GINS1: variants seen among roughly 807,000 people sequenced by gnomAD.
GINS1 encodes the protein GINS complex subunit 1.
In GINS1, 26 loss-of-function variants were observed where a neutral mutation model predicts 34.9. That is an observed-to-expected ratio of 0.74 (90% CI 0.55 to 1.03). GINS1 has a LOEUF of 1.03. Ranked by LOEUF, GINS1 falls within the 50% of genes least tolerant of loss-of-function variation. The probability of loss-of-function intolerance (pLI) is 0.00; values close to 1 mark genes in which losing one functional copy is unlikely to be tolerated. For missense variants in GINS1, 235 were observed against 237.9 expected (o/e 0.99, Z 0.08); for synonymous variants, 97 against 84.4 (o/e 1.15, Z -0.82).
chr20:25,416,171 G>C (rs553165321), intron 2 of GINS1, among the ~76,000 whole-genome samples: 1 of 152,194 alleles, frequency 6.6e-6, no homozygotes, highest in Non-Finnish European at 1.5e-5. Context: ...TGGTCACCAG[G>C]TTACTAGAGA....
chr20:25,423,452 C>CTTTTCTTTTTTTTTTT lies in GINS1; in HGVS notation c.331-1755_331-1754insCTTTTTTTTTTTTTTT, dbSNP rs1568802527. On this transcript the variant is annotated intron_variant, in intron 4 of 6. Transcript: ENST00000262460. ...AAGGTTATTAAGATATTTTTCTTTT[C>CTTTTCTTTTTTTTTTT]TTTTTTTTTTTTTTTTTTTTTTTTT... is the stretch of plus-strand genomic sequence containing the variant. Among the ~76,000 whole-genome samples the CTTTTCTTTTTTTTTTT allele has an allele frequency of 3.3e-4, 10 of 29,992 alleles. 1 individual carries two copies. Among genetic ancestry groups the CTTTTCTTTTTTTTTTT allele is most frequent in the East Asian group, 4.7e-3 (2 of 428 alleles). The allele number at this position is 29,992 out of a possible 152,430, so 19.7% of individuals were successfully genotyped here. A position where few individuals can be genotyped will look rare whatever the true frequency, so the allele number is the denominator to read the frequency against.
At chr20:25,436,103 G>A (rs181756010) in intron 5 of GINS1, among the ~76,000 whole-genome samples, 98 of 151,946 alleles carry the variant, frequency 6.4e-4, no homozygotes, top group African/African-American at 2.1e-3. Flanking sequence ...ACAGGCGTGA[G>A]CCACTGTGCC....
At chr20:25,415,685 CAAA>C (rs370801254) in intron 2 of GINS1, among the ~76,000 whole-genome samples, 8 of 49,146 alleles carry the variant, frequency 1.6e-4, no homozygotes, top group East Asian at 7.0e-4. Context: ...AACTCCATCT[CAAA>C]AAAAAAAAAA....
chr20:25,411,237 T>TA (rs1419153419), intron 1 of GINS1: 1 of 152,170 alleles, frequency 6.6e-6, no homozygotes, highest in Non-Finnish European at 1.5e-5. Context: ...GTCACGCTAT[T>TA]ACACTCCAGC....
chr20:25,422,100 AAC>A (rs1340349526), intron 4 of GINS1, among the ~76,000 whole-genome samples: 1 of 152,130 alleles, frequency 6.6e-6, no homozygotes, highest in East Asian at 1.9e-4. Flanking sequence ...GGCACATGCA[AAC>A]ACATCTGAAA....
chr20:25,428,397 C>CTTTTT lies in GINS1; in HGVS notation c.447+3090_447+3094dup, dbSNP rs544831869. On this transcript the variant is annotated intron_variant, in intron 5 of 6. Coordinates refer to ENST00000262460, the MANE Select transcript of GINS1 (RefSeq NM_021067.5). Reference sequence around the variant, plus strand: ...AAATCTAGCTTTCCAAGCATAATTTCTTTTTTTTTTTTTTTTTTTTTTTTG... The same window carrying CTTTTT: ...AAATCTAGCTTTCCAAGCATAATTTCTTTTTTTTTTTTTTTTTTTTTTTTTTTTTG... Among the ~76,000 whole-genome samples, 175 of 66,562 alleles carry CTTTTT rather than the reference C, an allele frequency of 2.6e-3. 10 individuals carry two copies. The highest frequency in any genetic ancestry group is 5.3e-3 in the African/African-American group (85 of 15,956). 43.7% of individuals were successfully genotyped at this position (66,562 alleles called of 152,430 possible). A position where few individuals can be genotyped will look rare whatever the true frequency, so the allele number is the denominator to read the frequency against.
At chr20:25,444,028 T>C (rs2090497715) in intron 6 of GINS1, among the ~76,000 whole-genome samples, 1 of 71,828 alleles carries the variant, frequency 1.4e-5, no homozygotes, top group African/African-American at 6.0e-5. Context: ...ATGGTTTTTT[T>C]CGAGATGGAC....
intron 2 of GINS1, among the ~76,000 whole-genome samples, chr20:25,414,759 T>C (rs1209732143): frequency 6.6e-6 from 1 of 152,210 alleles, no homozygotes; most frequent in East Asian, 1.9e-4. Flanking sequence ...TCCCACTGTT[T>C]ATATTTTTAT....
intron 5 of GINS1, among the ~76,000 whole-genome samples, chr20:25,435,802 G>A (rs1469504812): frequency 8.6e-6 from 1 of 116,388 alleles, no homozygotes. Flanking sequence ...ACTTTTTGTA[G>A]AGTTACACTT....
intron 2 of GINS1, among the ~76,000 whole-genome samples, chr20:25,414,797 A>C (rs963447273): frequency 2.0e-5 from 3 of 152,232 alleles, no homozygotes; most frequent in African/African-American, 4.8e-5. Context: ...AGTTTGTTAA[A>C]GGAAGAATAG....
intron 5 of GINS1, among the ~76,000 whole-genome samples, chr20:25,439,822 G>A (rs374295130): frequency 1.3e-5 from 2 of 151,596 alleles, no homozygotes; most frequent in South Asian, 2.1e-4. Context: ...GTGAAACCCC[G>A]TCCCTACTAA....
chr20:25,418,256 A>G (rs1161984118), intron 4 of GINS1, 61 bp downstream of exon 4: 3 of 959,812 alleles, frequency 3.1e-6, no homozygotes, highest in African/African-American at 1.6e-5. Context: ...GCATTGTTCT[A>G]TAATAGTGTT....
chr20:25,432,525 G>C lies in GINS1; in HGVS notation c.447+7198G>C, dbSNP rs144434061. Among the ~76,000 whole-genome samples, 16 of 151,996 alleles carry C rather than the reference G, an allele frequency of 1.1e-4. No individual in the cohort carries two copies. The East Asian group carries it at 2.9e-3, about 28-fold the overall frequency. On this transcript the variant is annotated intron_variant, in intron 5 of 6. Coordinates refer to ENST00000262460, the MANE Select transcript of GINS1 (RefSeq NM_021067.5). ...TCTGTTGTCCAGGATGGAGTGCAGT[G>C]GTGCGATCTTGGCTCACTACAACCT...
intron 1 of GINS1, chr20:25,408,810 G>C (rs771818595): frequency 1.9e-6 from 1 of 513,532 alleles, no homozygotes; most frequent in Non-Finnish European, 2.5e-6. Flanking sequence ...AGAAAGCTAG[G>C]ATTTGAACCC....
intron 3 of GINS1, 136 bp downstream of exon 3, chr20:25,417,338 T>G (rs1600922646): frequency 3.3e-6 from 2 of 600,722 alleles, no homozygotes; most frequent in East Asian, 6.4e-5. Context: ...TGTGTTTTCA[T>G]TTTTTTAATT....
chr20:25,418,274 A>C, intron 4 of GINS1, 79 bp downstream of exon 4: 1 of 876,080 alleles, frequency 1.1e-6, no homozygotes, highest in South Asian at 1.3e-5. Flanking sequence ...GTTTATTGGT[A>C]TTCCTCTTTT....
intron 1 of GINS1, among the ~76,000 whole-genome samples, chr20:25,411,632 C>G (rs1220281025): frequency 6.6e-6 from 1 of 151,182 alleles, no homozygotes; most frequent in Non-Finnish European, 1.5e-5. Flanking sequence ...AACCCTGTCT[C>G]TACCAAAAAA....
rs1204391430 is a variant in GINS1, at chr20:25,408,013, T to A, written c.75+118T>A. 4.1e-6 allele frequency: 3 copies of A among 727,890 alleles called. No individual in the cohort carries two copies. In the East Asian group the frequency reaches 8.2e-5, roughly 20 times the overall value. The allele number at this position is 727,890 out of a possible 1,614,324, so 45.1% of individuals were successfully genotyped here. ...TTGTTCCCTCCGAGCTCCGGAAAAC[T>A]TGGGAAGCAGCAAAACAAAATTCAG... On this transcript the variant is annotated intron_variant, in intron 1 of 6. Coordinates refer to ENST00000262460, the MANE Select transcript of GINS1 (RefSeq NM_021067.5).
At chr20:25,426,861 C>G (rs986059835) in intron 5 of GINS1, among the ~76,000 whole-genome samples, 2 of 152,086 alleles carry the variant, frequency 1.3e-5, no homozygotes, top group African/African-American at 4.8e-5. Flanking sequence ...AGTAATATTC[C>G]TTTTTCTGGC....
Sources: allele counts gnomAD v4.1 joint callset (sites outside exome capture counted in the v4.1 genomes callset), GRCh38; gene constraint gnomAD v4.1.1; transcripts MANE v1.5; gene names NCBI Gene and HGNC (gene_info 2026-07-23, HGNC 2026-07-21).